CDH13: variants seen among roughly 807,000 people sequenced by gnomAD.
CDH13 encodes cadherin 13.
In CDH13, 24 loss-of-function variants were observed where a neutral mutation model predicts 63.8. The ratio of observed to expected loss-of-function variants is 0.38; its 90% CI spans 0.27 to 0.53. The LOEUF (loss-of-function observed/expected upper bound fraction) is 0.53. Ranked by LOEUF, CDH13 falls within the 20% of genes least tolerant of loss-of-function variation. The probability of loss-of-function intolerance (pLI) is 0.85; values close to 1 mark genes in which losing one functional copy is unlikely to be tolerated. For missense variants in CDH13, 1,049 were observed against 903.1 expected (o/e 1.16, Z -2.07); for synonymous variants, 503 against 355.3 (o/e 1.42, Z -4.67).
chr16:83,413,720 G>T (rs528117470), intron 6 of CDH13, among the ~76,000 whole-genome samples: 4 of 152,148 alleles, frequency 2.6e-5, no homozygotes, highest in Non-Finnish European at 5.9e-5. Flanking sequence ...GTGCACGGTG[G>T]CTCATGCCTG....
chr16:82,838,524 C>T (rs1489861591), intron 1 of CDH13, among the ~76,000 whole-genome samples: 1 of 152,134 alleles, frequency 6.6e-6, no homozygotes, highest in Non-Finnish European at 1.5e-5. Context: ...GCTGAACTTA[C>T]AGGGAAATTC....
intron 1 of CDH13, among the ~76,000 whole-genome samples, chr16:82,650,798 T>C (rs1280934135): frequency 1.3e-5 from 2 of 152,198 alleles, no homozygotes; most frequent in Non-Finnish European, 2.9e-5. Flanking sequence ...TGATTTTGCA[T>C]AGTGTAGAAA....
At chr16:82,887,708 C>G (rs912346553) in intron 2 of CDH13, among the ~76,000 whole-genome samples, 2 of 152,182 alleles carry the variant, frequency 1.3e-5, no homozygotes, top group Non-Finnish European at 2.9e-5. Flanking sequence ...GTAGTCCCAG[C>G]TACTCTGGAG....
intron 1 of CDH13, among the ~76,000 whole-genome samples, chr16:82,849,366 G>A (rs957858529): frequency 1.3e-5 from 2 of 152,148 alleles, no homozygotes; most frequent in African/African-American, 4.8e-5. Flanking sequence ...GCTGGGTGTG[G>A]TGGCACGTAC....
chr16:83,600,122 A>G (rs1165768711), intron 7 of CDH13, among the ~76,000 whole-genome samples: 3 of 152,190 alleles, frequency 2.0e-5, no homozygotes, highest in Admixed American at 2.0e-4. Context: ...CAAAATTACC[A>G]GAATTCTTGA....
intron 7 of CDH13, among the ~76,000 whole-genome samples, chr16:83,553,342 CAA>C (rs1275411793): frequency 6.6e-6 from 1 of 152,110 alleles, no homozygotes; most frequent in Non-Finnish European, 1.5e-5. Context: ...ACAGGAAATA[CAA>C]AAGTTATAAA....
At chr16:83,592,098 T>C (rs1251889787) in intron 7 of CDH13, among the ~76,000 whole-genome samples, 1 of 152,162 alleles carries the variant, frequency 6.6e-6, no homozygotes, top group Non-Finnish European at 1.5e-5. Context: ...GCTTACCCCA[T>C]CTCATTGTGC....
At chr16:82,896,722 CGAAA>C (rs1474617884) in intron 2 of CDH13, among the ~76,000 whole-genome samples, 1 of 145,466 alleles carries the variant, frequency 6.9e-6, no homozygotes, top group African/African-American at 2.6e-5. Context: ...GAATAAGAGA[CGAAA>C]GAAAGAAAGA....
intron 2 of CDH13, among the ~76,000 whole-genome samples, chr16:82,941,476 A>G (rs557731285): frequency 4.6e-4 from 70 of 152,288 alleles, no homozygotes; most frequent in Non-Finnish European, 7.2e-4. Flanking sequence ...TTGCTTCATC[A>G]TCTTTACATT....
chr16:83,717,443 T>C (rs1015955480), intron 10 of CDH13, among the ~76,000 whole-genome samples: 1 of 152,202 alleles, frequency 6.6e-6, no homozygotes, highest in African/African-American at 2.4e-5. Flanking sequence ...AGTCCCTGTC[T>C]CCACTTTCTT....
chr16:83,117,078 A>G (rs768205095), intron 3 of CDH13, among the ~76,000 whole-genome samples: 1 of 152,162 alleles, frequency 6.6e-6, no homozygotes, highest in Non-Finnish European at 1.5e-5. Context: ...AATCCAACTA[A>G]TTTATTTACT....
intron 5 of CDH13, among the ~76,000 whole-genome samples, chr16:83,327,425 T>C (rs890674620): frequency 2.6e-5 from 4 of 152,226 alleles, no homozygotes; most frequent in African/African-American, 4.8e-5. Flanking sequence ...TTTTGTCTAT[T>C]GATCTGTCCT....
At chr16:82,880,192 A>G (rs1032801195) in intron 2 of CDH13, among the ~76,000 whole-genome samples, 10 of 151,996 alleles carry the variant, frequency 6.6e-5, no homozygotes, top group African/African-American at 1.7e-4. Flanking sequence ...TATATTTTCC[A>G]CTTTGCAATG....
intron 8 of CDH13, among the ~76,000 whole-genome samples, chr16:83,631,157 G>A (rs1385248319): frequency 6.6e-6 from 1 of 152,208 alleles, no homozygotes; most frequent in Non-Finnish European, 1.5e-5. Flanking sequence ...CAGTCAACGA[G>A]CGCAAGTTGT....
intron 10 of CDH13, among the ~76,000 whole-genome samples, chr16:83,685,087 A>G (rs1904292298): frequency 6.6e-6 from 1 of 152,208 alleles, no homozygotes; most frequent in South Asian, 2.1e-4. Context: ...AAATGGAGAA[A>G]GAAGAGGGAT....
chr16:83,549,709 A>T (rs1400126138), intron 7 of CDH13, among the ~76,000 whole-genome samples: 1 of 152,172 alleles, frequency 6.6e-6, no homozygotes, highest in Non-Finnish European at 1.5e-5. Flanking sequence ...GTTAATGAAA[A>T]CGCTACCGCA....
rs544213021 is a variant in CDH13 at position 83,150,384 on chromosome 16, T to A, written c.483+24883T>A. ...CTATCCCTACCCACTTTTCTCTCCC[T>A]TGCTATCATTATCTCTGTCCCCAAT... On this transcript the variant is annotated intron_variant, in intron 4 of 13. Transcript: ENST00000567109. 3.3e-5 allele frequency among the ~76,000 whole-genome samples: 5 copies of A among 152,328 alleles called. No individual in the cohort carries two copies. In the East Asian group the frequency reaches 9.6e-4, roughly 29 times the overall value.
chr16:83,254,216 G>T (rs2151828413), intron 5 of CDH13, among the ~76,000 whole-genome samples: 1 of 152,310 alleles, frequency 6.6e-6, no homozygotes, highest in African/African-American at 2.4e-5. Flanking sequence ...CCCACCTGGG[G>T]ATTGGGAACC....
chr16:82,889,000 C>T (rs1019249977), intron 2 of CDH13, among the ~76,000 whole-genome samples: 2 of 152,068 alleles, frequency 1.3e-5, no homozygotes, highest in African/African-American at 4.8e-5. Context: ...AACAGTTTGC[C>T]TTATTTACTT....
Sources: allele counts gnomAD v4.1 joint callset (sites outside exome capture counted in the v4.1 genomes callset), GRCh38; gene constraint gnomAD v4.1.1; transcripts MANE v1.5; gene names NCBI Gene and HGNC (gene_info 2026-07-23, HGNC 2026-07-21).